The following COL4A6 variants were observed in gnomAD, a reference collection of about 807,000 sequenced individuals.
COL4A6 encodes the protein collagen type IV alpha 6 chain.
COL4A6 carries 59 observed loss-of-function variants against 126.7 expected under a neutral mutation model. The ratio of observed to expected loss-of-function variants is 0.47; its 90% CI spans 0.38 to 0.58. The LOEUF is 0.58. Among genes scored for constraint, COL4A6 ranks in the 20% least tolerant of loss-of-function variants. The pLI is 0.00. For synonymous variants in COL4A6, 547 were observed against 496.6 expected (o/e 1.10, Z -1.35); for missense variants, 1,285 against 1,337.3 (o/e 0.96, Z 0.61).
At chrX:108,290,575 A>T (rs2038133869) in intron 3 of COL4A6, among the ~76,000 whole-genome samples, 1 of 112,367 alleles carries the variant, frequency 8.9e-6, no homozygotes, top group African/African-American at 3.2e-5. Flanking sequence ...ATTAGACTTT[A>T]CCATAATTCT....
chrX:108,277,207 T>C (rs1295734449), intron 3 of COL4A6, among the ~76,000 whole-genome samples: 1 of 111,466 alleles, frequency 9.0e-6, no homozygotes, highest in African/African-American at 3.3e-5. Context: ...TCGGGAAGCG[T>C]AAGGGGTCAG....
At chrX:108,190,530 T>G in intron 19 of COL4A6, 34 bp from the exon 20 acceptor site, 1 of 981,197 alleles carries the variant, frequency 1.0e-6, no homozygotes, top group Non-Finnish European at 1.4e-6. Flanking sequence ...GATTAGCAAC[T>G]TGTATAAGCC....
At chrX:108,233,923 C>T (rs1278937111) in intron 3 of COL4A6, among the ~76,000 whole-genome samples, 1 of 111,877 alleles carries the variant, frequency 8.9e-6, no homozygotes, top group Non-Finnish European at 1.9e-5. Context: ...ATGAGATCTC[C>T]ACATTTGTGA....
intron 30 of COL4A6, 24 bp downstream of exon 30, chrX:108,175,066 C>T: frequency 2.6e-6 from 3 of 1,158,705 alleles, no homozygotes; most frequent in Non-Finnish European, 3.4e-6. Flanking sequence ...GAGCATTTCT[C>T]CTATCCATCC....
At chrX:108,284,522 C>T (rs1217026205) in intron 3 of COL4A6, among the ~76,000 whole-genome samples, 2 of 112,109 alleles carry the variant, frequency 1.8e-5, no homozygotes, top group African/African-American at 6.5e-5. Context: ...TGACAACATA[C>T]AGAAACAAAA....
intron 2 of COL4A6, among the ~76,000 whole-genome samples, chrX:108,315,367 G>C (rs1301212542): frequency 2.7e-5 from 3 of 111,313 alleles, no homozygotes; most frequent in Non-Finnish European, 5.7e-5. Context: ...AGCTTCCTGA[G>C]TAGCTGGGAT....
At chrX:108,169,373 C>CA in intron 37 of COL4A6, 122 bp downstream of exon 37, 2 of 929,652 alleles carry the variant, frequency 2.2e-6, no homozygotes, top group Non-Finnish European at 3.0e-6. Flanking sequence ...GGTTGTGAGA[C>CA]TCCCAGAGAT....
intron 3 of COL4A6, among the ~76,000 whole-genome samples, chrX:108,282,148 G>A (rs2037855421): frequency 9.4e-6 from 1 of 106,938 alleles, no homozygotes; most frequent in Non-Finnish European, 1.9e-5. Flanking sequence ...TGACAAATGG[G>A]ATCTAATTAA....
At chrX:108,332,382 C>T (rs777714599) in intron 2 of COL4A6, among the ~76,000 whole-genome samples, 2 of 111,823 alleles carry the variant, frequency 1.8e-5, no homozygotes, top group South Asian at 3.7e-4. Flanking sequence ...GATTGCTGGA[C>T]ACACAGTAGT....
intron 2 of COL4A6, among the ~76,000 whole-genome samples, chrX:108,415,043 A>G (rs1057120542): frequency 8.9e-6 from 1 of 111,745 alleles, no homozygotes; most frequent in Non-Finnish European, 1.9e-5. Flanking sequence ...TCTTCTCTCC[A>G]ACTAATTCCT....
intron 3 of COL4A6, among the ~76,000 whole-genome samples, chrX:108,243,945 T>C (rs1388110840): frequency 8.9e-6 from 1 of 112,150 alleles, no homozygotes; most frequent in Non-Finnish European, 1.9e-5. Context: ...GCTTATGTGA[T>C]GTTTATAAAA....
intron 2 of COL4A6, among the ~76,000 whole-genome samples, chrX:108,352,731 A>G (rs1297634747): frequency 8.9e-6 from 1 of 112,412 alleles, no homozygotes; most frequent in Non-Finnish European, 1.9e-5. Flanking sequence ...AATTTTTAAG[A>G]TAAGGCATGA....
intron 3 of COL4A6, among the ~76,000 whole-genome samples, chrX:108,305,713 T>C (rs1161072369): frequency 9.0e-6 from 1 of 111,470 alleles, no homozygotes; most frequent in African/African-American, 3.3e-5. Context: ...TAATGATGGA[T>C]TGGAGGTAGT....
chrX:108,193,101 G>C (rs2035101855), intron 17 of COL4A6, among the ~76,000 whole-genome samples: 1 of 111,817 alleles, frequency 8.9e-6, no homozygotes, highest in African/African-American at 3.3e-5. Context: ...TCAGTCTTTG[G>C]AGAAGGTAAA....
rs201862310 is a variant in COL4A6, at chrX:108,185,391, G to GA, written c.1951+1704dup. 1.5e-3 allele frequency among the ~76,000 whole-genome samples: 128 copies of GA among 83,330 alleles called. 3 individuals carry two copies. The highest frequency in any genetic ancestry group is 4.2e-3 in the African/African-American group (94 of 22,164). 72.4% of individuals were successfully genotyped at this position (83,330 alleles called of 115,157 possible). A position where few individuals can be genotyped will look rare whatever the true frequency, so the allele number is the denominator to read the frequency against. On this transcript the variant is annotated intron_variant, in intron 23 of 44. Coordinates refer to ENST00000334504, the MANE Select transcript of COL4A6 (RefSeq NM_033641.4). ...TGGGTGAGAGTAAGACTTCATTTCAGAAAAAAAAAAAAAAGGAAAATGTCC... is the reference window on the plus strand; with the variant it reads ...TGGGTGAGAGTAAGACTTCATTTCAGAAAAAAAAAAAAAAAGGAAAATGTCC...
At chrX:108,300,125 A>C (rs1208671020) in intron 3 of COL4A6, among the ~76,000 whole-genome samples, 2 of 111,043 alleles carry the variant, frequency 1.8e-5, no homozygotes, top group Non-Finnish European at 3.8e-5. Context: ...TCTGGAATCA[A>C]GACAGGATCA....
intron 3 of COL4A6, among the ~76,000 whole-genome samples, chrX:108,282,506 GGA>G (rs2037869117): frequency 9.0e-6 from 1 of 111,451 alleles, no homozygotes; most frequent in South Asian, 3.8e-4. Context: ...AACAGGTGCT[GGA>G]GAGGATGTGG....
In COL4A6 at chrX:108,176,878, T is replaced by C. The variant is rs773652390; in HGVS notation, c.2649A>G (p.Pro883=). ...AGAGGGCTGGCAACCCAGCGACCCC[T>C]GGAGAGCCTGGGCTTCCTTTCAGTC... ...LVGLKGSPGS[P]GVAGLPALSG... The change falls in exon 28 of 45, where the codon CCA becomes CCG. Residue 883 remains proline (P), a synonymous_variant. Coordinates refer to ENST00000334504, the MANE Select transcript of COL4A6 (RefSeq NM_033641.4). 8.3e-7 allele frequency: 1 copy of C among 1,209,929 alleles called. No homozygotes were observed.
intron 8 of COL4A6, 124 bp downstream of exon 8, chrX:108,209,845 C>T: frequency 5.7e-6 from 4 of 703,170 alleles, no homozygotes; most frequent in Non-Finnish European, 8.5e-6. Flanking sequence ...ACCCATTCTA[C>T]TTCAACTGTC....
Sources: gnomAD v4.1 joint callset for allele counts (sites outside exome capture counted in the v4.1 genomes callset) on GRCh38, gnomAD v4.1.1 for gene constraint, MANE v1.5 for transcripts, NCBI Gene and HGNC (gene_info 2026-07-23, HGNC 2026-07-21) for gene names.